LDLRAD3: variants seen among roughly 807,000 people sequenced by gnomAD.
LDLRAD3 encodes low-density lipoprotein receptor class A domain-containing protein 3.
A neutral mutation model predicts 29.4 loss-of-function variants in LDLRAD3; 20 were observed. The ratio of observed to expected loss-of-function variants is 0.68; its 90% confidence interval spans 0.48 to 0.99. LDLRAD3 has a LOEUF of 0.99. LDLRAD3 is among the 50% of genes least tolerant of loss of function. LDLRAD3 has a pLI of 0.00. For synonymous variants in LDLRAD3, 157 were observed against 192.7 expected (o/e 0.81, Z 1.53); for missense variants, 420 against 454.3 (o/e 0.92, Z 0.69).
intron 1 of LDLRAD3, among the ~76,000 whole-genome samples, chr11:35,987,329 G>A (rs932843773): frequency 1.3e-5 from 2 of 152,162 alleles, no homozygotes; most frequent in African/African-American, 4.8e-5. Flanking sequence ...AAGATGCTAG[G>A]GTTTGGGGCA....
chr11:36,147,448 A>C, intron 4 of LDLRAD3, among the ~76,000 whole-genome samples: 1 of 152,140 alleles, frequency 6.6e-6, no homozygotes, highest in Middle Eastern at 3.2e-3. Flanking sequence ...GACACCAGTC[A>C]TTTGACTTAG....
intron 2 of LDLRAD3, among the ~76,000 whole-genome samples, chr11:36,051,889 A>G (rs1852533820): frequency 6.6e-6 from 1 of 152,224 alleles, no homozygotes; most frequent in Non-Finnish European, 1.5e-5. Flanking sequence ...GTGCCCAACC[A>G]GTACTTTCTA....
chr11:36,135,702 G>C (rs1004044995), intron 4 of LDLRAD3, among the ~76,000 whole-genome samples: 1 of 152,154 alleles, frequency 6.6e-6, no homozygotes, highest in Non-Finnish European at 1.5e-5. Context: ...TTGAGGCCAG[G>C]AGTTCAACAC....
intron 2 of LDLRAD3, among the ~76,000 whole-genome samples, chr11:36,041,464 C>T (rs554026848): frequency 3.3e-5 from 5 of 152,336 alleles, no homozygotes; most frequent in African/African-American, 1.2e-4. Context: ...AATCTTACTG[C>T]TATCATGACA....
At chr11:35,984,753 TC>T (rs1248792585) in intron 1 of LDLRAD3, among the ~76,000 whole-genome samples, 1 of 152,118 alleles carries the variant, frequency 6.6e-6, no homozygotes, top group Non-Finnish European at 1.5e-5. Flanking sequence ...TGCCTCAGCC[TC>T]CCGAGTAGCT....
intron 2 of LDLRAD3, among the ~76,000 whole-genome samples, chr11:36,051,723 A>T (rs1852531052): frequency 6.6e-6 from 1 of 152,184 alleles, no homozygotes; most frequent in Admixed American, 6.5e-5. Flanking sequence ...CTGGAGTGTT[A>T]TCTTGGTGGC....
intron 4 of LDLRAD3, among the ~76,000 whole-genome samples, chr11:36,176,342 G>A (rs11033478): frequency 0.071 from 10,752 of 151,976 alleles, 594 homozygotes; most frequent in East Asian, 0.33. Context: ...TCTGTTCCTC[G>A]TGCTAGTTGT....
intron 4 of LDLRAD3, among the ~76,000 whole-genome samples, chr11:36,205,262 A>G (rs1020484856): frequency 4.6e-5 from 7 of 152,200 alleles, no homozygotes; most frequent in Non-Finnish European, 8.8e-5. Context: ...GACTGTCATC[A>G]TTATGAATGC....
chr11:36,155,266 G>A (rs774958809), intron 4 of LDLRAD3, among the ~76,000 whole-genome samples: 19 of 152,152 alleles, frequency 1.2e-4, no homozygotes, highest in Non-Finnish European at 2.6e-4. Context: ...TTGGCATGGC[G>A]AGCATGTGAT....
At chr11:36,207,253 G>A (rs1395562367) in intron 4 of LDLRAD3, among the ~76,000 whole-genome samples, 1 of 152,130 alleles carries the variant, frequency 6.6e-6, no homozygotes, top group Non-Finnish European at 1.5e-5. Context: ...CTCACATCAT[G>A]GTTCTTAGAG....
chr11:36,218,634 A>T (rs1434835195), intron 4 of LDLRAD3, among the ~76,000 whole-genome samples: 1 of 152,202 alleles, frequency 6.6e-6, no homozygotes, highest in East Asian at 1.9e-4. Flanking sequence ...GAAAAAGGAG[A>T]ATGTTCAAGA....
intron 4 of LDLRAD3, among the ~76,000 whole-genome samples, chr11:36,188,726 A>G (rs1003457528): frequency 1.3e-5 from 2 of 152,190 alleles, no homozygotes; most frequent in African/African-American, 4.8e-5. Context: ...ACCAGATATG[A>G]AGCACAGCTG....
In LDLRAD3 at chr11:36,208,681, A is replaced by G. The variant is rs183434236; in HGVS notation, c.455-18404A>G. ...AATAACAAGTCCATCTGAAGTAAAT[A>G]AATAATTAATAAATAAATTGGAGAA... On this transcript the variant is annotated intron_variant, in intron 4 of 5. Coordinates refer to ENST00000315571, the MANE Select transcript of LDLRAD3 (RefSeq NM_174902.4). 6.6e-5 allele frequency among the ~76,000 whole-genome samples: 10 copies of G among 152,352 alleles called. No homozygotes were observed. In the East Asian group the frequency reaches 1.9e-3, roughly 29 times the overall value.
intron 4 of LDLRAD3, among the ~76,000 whole-genome samples, chr11:36,134,553 T>C (rs1453815386): frequency 6.6e-6 from 1 of 152,170 alleles, no homozygotes; most frequent in Non-Finnish European, 1.5e-5. Flanking sequence ...GTGTGGGAAA[T>C]GAGATATGGC....
intron 4 of LDLRAD3, among the ~76,000 whole-genome samples, chr11:36,192,186 G>A (rs997539300): frequency 6.6e-6 from 1 of 152,194 alleles, no homozygotes; most frequent in Non-Finnish European, 1.5e-5. Context: ...AGAAATAAAA[G>A]TGGAATTTCA....
rs11033339 is a variant in LDLRAD3, at chr11:35,950,718, G to A, written c.46+6574G>A. ...CTCCCATTCATTGAAGGTTTACTCTGTCTGGCAGGGTGGCAAGCACTGTAC... is the reference window on the plus strand; with the variant it reads ...CTCCCATTCATTGAAGGTTTACTCTATCTGGCAGGGTGGCAAGCACTGTAC... On this transcript the variant is annotated intron_variant, in intron 1 of 5. Transcript: ENST00000315571. Among the ~76,000 whole-genome samples, 106 of 152,234 alleles carry A rather than the reference G, an allele frequency of 7.0e-4. 4 individuals carry two copies. In the East Asian group the frequency reaches 0.02, roughly 29 times the overall value.
chr11:36,036,034 C>A (rs1190615321), intron 1 of LDLRAD3, 69 bp from the exon 2 acceptor site: 28 of 1,522,432 alleles, frequency 1.8e-5, no homozygotes, highest in Non-Finnish European at 2.5e-5. Context: ...AACCACACAC[C>A]TTTCAGTTGA....
chr11:36,033,495 T>G (rs7936667), intron 1 of LDLRAD3, among the ~76,000 whole-genome samples: 25,922 of 152,228 alleles, frequency 0.17, 2,260 homozygotes, highest in Non-Finnish European at 0.2. Flanking sequence ...AAAATCTGTT[T>G]ATCAGAACAA....
At chr11:36,053,423 G>A (rs989111079) in intron 2 of LDLRAD3, among the ~76,000 whole-genome samples, 4 of 152,104 alleles carry the variant, frequency 2.6e-5, no homozygotes, top group South Asian at 2.1e-4. Context: ...AGCGCCTTAC[G>A]TGCTAATGAG....
Sources: allele counts gnomAD v4.1 joint callset (sites outside exome capture counted in the v4.1 genomes callset), GRCh38; gene constraint gnomAD v4.1.1; transcripts MANE v1.5; gene names NCBI Gene and HGNC (gene_info 2026-07-23, HGNC 2026-07-21).